Variants in CBX3 observed in about 807,000 individuals in gnomAD.
CBX3 encodes the protein chromobox protein homolog 3.
In CBX3, 5 loss-of-function variants were observed where a neutral mutation model predicts 22.6. That is an observed-to-expected ratio of 0.22 (90% confidence interval 0.12 to 0.47). The LOEUF (loss-of-function observed/expected upper bound fraction) is 0.47, where lower values mean the gene tolerates loss of function less well. CBX3 is among the 20% of genes least tolerant of loss of function. The pLI is 0.99. For missense variants in CBX3, 83 were observed against 208.1 expected, an observed-to-expected ratio of 0.40 and a Z score of 3.70; for synonymous variants, 50 against 66.6, an observed-to-expected ratio of 0.75 and a Z score of 1.21.
At chr7:26,201,948 A>T (rs1451485279) in intron 1 of CBX3, 122 bp downstream of exon 1, 1 of 150,718 alleles carries the variant, frequency 6.6e-6, no homozygotes, top group Non-Finnish European at 1.5e-5. Flanking sequence ...CCGCGCCGGG[A>T]GCTGCGGGAA....
chr7:26,206,355 T>G lies in CBX3; in HGVS notation c.25-13T>G, dbSNP rs536098431. On this transcript the variant is annotated splice_polypyrimidine_tract_variant and intron_variant, in intron 2 of 5. Transcript: ENST00000396386. Reference sequence around the variant, plus strand: ...GAGGAATATTTCTTAATTTCTCTTTTGTTTTATTTTAGCAAAAAATGGGAA... The same window carrying G: ...GAGGAATATTTCTTAATTTCTCTTTGGTTTTATTTTAGCAAAAAATGGGAA... 2 of 701,334 alleles carry G rather than the reference T, an allele frequency of 2.9e-6. No individual in the cohort carries two copies. The highest frequency in any genetic ancestry group is 4.1e-5 in the African/African-American group (2 of 48,354). The allele number at this position is 701,334 out of a possible 1,614,324, so 43.4% of individuals were successfully genotyped here.
At position 26,206,188 on chromosome 7, in the gene CBX3, G is replaced by GAT. The variant is rs1784671573; in HGVS notation, c.25-178_25-177dup. Reference sequence around the variant, plus strand: ...TTGTAAGTTTGAACTAAATGAACAAGATAAAGCATTCTTTTATTTTATTGT... The same window carrying GAT: ...TTGTAAGTTTGAACTAAATGAACAAGATATAAAGCATTCTTTTATTTTATTGT... On this transcript the variant is annotated intron_variant, in intron 2 of 5. Transcript: ENST00000396386. 5.5e-6 allele frequency: 3 copies of GAT among 549,442 alleles called. 1 individual carries two copies. The East Asian group carries it at 9.1e-5, about 17-fold the overall frequency. 34.0% of individuals were successfully genotyped at this position (549,442 alleles called of 1,614,324 possible). A position where few individuals can be genotyped will look rare whatever the true frequency, so the allele number is the denominator to read the frequency against.
intron 2 of CBX3, among the ~76,000 whole-genome samples, chr7:26,204,466 A>T (rs994049184): frequency 6.6e-6 from 1 of 152,198 alleles, no homozygotes; most frequent in African/African-American, 2.4e-5. Flanking sequence ...AAGTATCTTG[A>T]CTAATGAGAA....
intron 2 of CBX3, among the ~76,000 whole-genome samples, chr7:26,204,430 C>G (rs1351071539): frequency 6.6e-6 from 1 of 152,158 alleles, no homozygotes; most frequent in Non-Finnish European, 1.5e-5. Flanking sequence ...TGTACAGTGG[C>G]AGAAAGCTGT....
intron 1 of CBX3, chr7:26,202,487 G>C (rs1346972773): frequency 1.1e-4 from 17 of 153,244 alleles, no homozygotes; most frequent in African/African-American, 3.6e-4. Flanking sequence ...TCACGAAACG[G>C]GGTTGAAGCA....
chr7:26,208,035 A>AC (rs1784719557), intron 3 of CBX3: 2 of 150,510 alleles, frequency 1.3e-5, no homozygotes, highest in Admixed American at 1.3e-4. Context: ...ACAAAATGAG[A>AC]CCCCTTCTCT....
intron 1 of CBX3, chr7:26,202,162 G>C (rs995265988): frequency 6.6e-6 from 1 of 152,028 alleles, no homozygotes; most frequent in Admixed American, 6.6e-5. Context: ...ACGCGGGGCT[G>C]GGTCGAGACT....
At chr7:26,203,485 T>G (rs566601320) in intron 2 of CBX3, among the ~76,000 whole-genome samples, 2 of 152,354 alleles carry the variant, frequency 1.3e-5, no homozygotes, top group South Asian at 4.1e-4. Context: ...TTTGGTCACT[T>G]TATCTTGTTT....
chr7:26,207,909 G>A (rs1056204048), intron 3 of CBX3, among the ~76,000 whole-genome samples: 1 of 151,558 alleles, frequency 6.6e-6, no homozygotes, highest in Non-Finnish European at 1.5e-5. Flanking sequence ...GAGTCTCAGG[G>A]TAGCAAATTA....
Position 26,212,261 on chromosome 7 carries a change from CT to C in CBX3, c.*55del. The C allele has an allele frequency of 9.4e-7, 1 of 1,066,862 alleles. No individual in the cohort carries two copies. The allele number at this position is 1,066,862 out of a possible 1,614,324, so 66.1% of individuals were successfully genotyped here. The stretch of plus-strand genomic sequence containing the variant: ...TTATATATATATATAAAAATTGGGT[CT>C]TAGATTTTGATTTACTAGTGTGACA... On this transcript the variant is annotated 3_prime_UTR_variant, in exon 6 of 6. Transcript: ENST00000396386.
chr7:26,206,514 A>G lies in CBX3; in HGVS notation c.167+4A>G, dbSNP rs1170599494. 3 of 1,475,584 alleles carry G rather than the reference A, an allele frequency of 2.0e-6. No homozygotes were observed. The highest frequency in any genetic ancestry group is 2.8e-5 in the East Asian group (1 of 36,054). 91.4% of individuals were successfully genotyped at this position (1,475,584 alleles called of 1,614,324 possible). A position where few individuals can be genotyped will look rare whatever the true frequency, so the allele number is the denominator to read the frequency against. On this transcript the variant is annotated splice_donor_region_variant and intron_variant, in intron 3 of 5. Coordinates refer to ENST00000396386, the MANE Select transcript of CBX3 (RefSeq NM_016587.4). ...TGAAGTGGAAGGGATTTACAGAGTA[A>G]GAAACTTTAGTGCATCTTTACTATA...
chr7:26,210,879 G>A (rs937161573), intron 4 of CBX3, among the ~76,000 whole-genome samples: 40 of 151,942 alleles, frequency 2.6e-4, no homozygotes, highest in African/African-American at 9.4e-4. Context: ...GATGAAAAAA[G>A]GGGGCCTTAC....
At chr7:26,203,329 T>G (rs1431683165) in intron 2 of CBX3, among the ~76,000 whole-genome samples, 8 of 152,228 alleles carry the variant, frequency 5.3e-5, no homozygotes, top group Non-Finnish European at 1.0e-4. Context: ...AAATGTTACA[T>G]AAAATGGTAA....
At chr7:26,207,464 C>A (rs1211678456) in intron 3 of CBX3, among the ~76,000 whole-genome samples, 1 of 152,182 alleles carries the variant, frequency 6.6e-6, no homozygotes, top group Non-Finnish European at 1.5e-5. Flanking sequence ...CTTAAGGCCA[C>A]TAGCATGATT....
intron 1 of CBX3, chr7:26,202,668 G>A (rs960482193): frequency 3.1e-6 from 1 of 322,742 alleles, no homozygotes; most frequent in Non-Finnish European, 5.7e-6. Context: ...CTTTAAAAAT[G>A]GAACATGGAC....
intron 4 of CBX3, among the ~76,000 whole-genome samples, chr7:26,209,750 TTGTAA>T (rs1784763058): frequency 6.6e-6 from 1 of 152,224 alleles, no homozygotes; most frequent in South Asian, 2.1e-4. Context: ...ACACCCTTGA[TTGTAA>T]AACAGATTAT....
intron 1 of CBX3, 24 bp from the exon 2 acceptor site, chr7:26,202,947 C>A: frequency 1.3e-6 from 2 of 1,501,766 alleles, no homozygotes; most frequent in Non-Finnish European, 9.3e-7. Flanking sequence ...GCAAACTTAC[C>A]TTAACTGTCA....
At chr7:26,209,334 C>T (rs1784755446) in intron 4 of CBX3, among the ~76,000 whole-genome samples, 2 of 152,118 alleles carry the variant, frequency 1.3e-5, no homozygotes, top group Non-Finnish European at 2.9e-5. Flanking sequence ...TGTAAATGTG[C>T]AGTAAGTGCT....
Position 26,208,575 on chromosome 7 carries a change from C to T in CBX3, c.330+20C>T. The T allele has an allele frequency of 1.3e-6, 2 of 1,560,268 alleles. No homozygotes were observed. Among genetic ancestry groups the T allele is most frequent in the Non-Finnish European group, 1.7e-6 (2 of 1,147,510 alleles). ...GATGCTGTAAGTATAAAATATTGCC[C>T]ACCAGCTTGTCCTTTTGTAAAAGGT... On this transcript the variant is annotated intron_variant, in intron 4 of 5. Coordinates refer to ENST00000396386, the MANE Select transcript of CBX3 (RefSeq NM_016587.4).
Sources: gnomAD v4.1 joint callset for allele counts (sites outside exome capture counted in the v4.1 genomes callset) on GRCh38, gnomAD v4.1.1 for gene constraint, MANE v1.5 for transcripts, NCBI Gene and HGNC (gene_info 2026-07-23, HGNC 2026-07-21) for gene names.